The following LRP1B variants were observed in gnomAD, a reference collection of about 807,000 sequenced individuals.
The protein encoded by LRP1B is low-density lipoprotein receptor-related protein 1B.
Under a neutral mutation model 556.6 loss-of-function variants are expected in LRP1B, and 217 were observed. The observed-to-expected ratio is 0.39, with a 90% CI of 0.35 to 0.44. LRP1B has a LOEUF of 0.44. LRP1B is among the 20% of genes least tolerant of loss of function. LRP1B has a pLI of 1.00. For missense variants in LRP1B, 5,053 were observed against 5,620.8 expected (o/e 0.90, Z 3.23); for synonymous variants, 2,047 against 1,865.8 (o/e 1.10, Z -2.50).
intron 3 of LRP1B, among the ~76,000 whole-genome samples, chr2:141,320,398 G>T (rs1687193031): frequency 6.6e-6 from 1 of 152,054 alleles, no homozygotes; most frequent in Admixed American, 6.6e-5. Context: ...TTTAGGGAAT[G>T]TTTAGAATAT....
intron 1 of LRP1B, among the ~76,000 whole-genome samples, chr2:142,006,411 C>G (rs1428563086): frequency 6.6e-6 from 1 of 152,136 alleles, no homozygotes; most frequent in East Asian, 1.9e-4. Flanking sequence ...ACATATTAGG[C>G]TGTTATGAAG....
rs143049399 is a variant in LRP1B at position 140,406,896 on chromosome 2, G to A, written c.10415-20887C>T. ...GCCTGAATAGCCAAAGCAATACTACGTAAAAAGAACAAATCTGGAGGCATT... is the reference window on the plus strand; with the variant it reads ...GCCTGAATAGCCAAAGCAATACTACATAAAAAGAACAAATCTGGAGGCATT... On this transcript the variant is annotated intron_variant, in intron 66 of 90. Coordinates refer to ENST00000389484, the MANE Select transcript of LRP1B (RefSeq NM_018557.3). 1.9e-4 allele frequency among the ~76,000 whole-genome samples: 29 copies of A among 152,140 alleles called. No homozygotes were observed. The South Asian group carries it at 2.3e-3, about 12-fold the overall frequency.
At chr2:141,200,450 G>A (rs997023378) in intron 6 of LRP1B, among the ~76,000 whole-genome samples, 6 of 152,078 alleles carry the variant, frequency 3.9e-5, no homozygotes, top group African/African-American at 1.4e-4. Context: ...ATACCTAGGT[G>A]ATGAAATCAT....
chr2:141,407,280 T>C (rs77672278), intron 3 of LRP1B, among the ~76,000 whole-genome samples: 2,998 of 152,304 alleles, frequency 0.02, 111 homozygotes, highest in African/African-American at 0.069. Context: ...TTAAGATGTA[T>C]TTAATTCAAC....
At chr2:141,623,338 A>C (rs1688573265) in intron 2 of LRP1B, among the ~76,000 whole-genome samples, 1 of 152,210 alleles carries the variant, frequency 6.6e-6, no homozygotes, top group South Asian at 2.1e-4. Context: ...GGTAAAAATA[A>C]GCAACTATTT....
At chr2:141,363,190 C>A (rs1309353602) in intron 3 of LRP1B, among the ~76,000 whole-genome samples, 1 of 152,156 alleles carries the variant, frequency 6.6e-6, no homozygotes, top group Non-Finnish European at 1.5e-5. Flanking sequence ...CACCAGGTCT[C>A]ACCACCCATT....
At chr2:141,647,082 G>A (rs1032086282) in intron 2 of LRP1B, among the ~76,000 whole-genome samples, 1 of 152,236 alleles carries the variant, frequency 6.6e-6, no homozygotes, top group East Asian at 1.9e-4. Flanking sequence ...AGTTGTGGGT[G>A]GGGGAAGAAG....
intron 6 of LRP1B, among the ~76,000 whole-genome samples, chr2:141,194,164 A>T (rs971308523): frequency 6.6e-6 from 1 of 152,116 alleles, no homozygotes; most frequent in Non-Finnish European, 1.5e-5. Context: ...ACTTTGAAAC[A>T]GTTTTGCCAT....
chr2:141,391,759 G>A (rs4245855), intron 3 of LRP1B, among the ~76,000 whole-genome samples: 83,960 of 152,008 alleles, frequency 0.55, 24,702 homozygotes, highest in Non-Finnish European at 0.67. Context: ...GTCTGGGATC[G>A]AACAAGGGAA....
At chr2:141,992,848 A>T (rs1419331762) in intron 1 of LRP1B, among the ~76,000 whole-genome samples, 1 of 152,124 alleles carries the variant, frequency 6.6e-6, no homozygotes, top group East Asian at 1.9e-4. Flanking sequence ...TAAAGACTAT[A>T]AAGTTGTTTT....
At chr2:141,304,428 T>G (rs1469368744) in intron 3 of LRP1B, among the ~76,000 whole-genome samples, 1 of 151,556 alleles carries the variant, frequency 6.6e-6, no homozygotes, top group Non-Finnish European at 1.5e-5. Context: ...CTAAGACATA[T>G]TGAATTGCTT....
chr2:140,976,580 T>A (rs1696609563), intron 18 of LRP1B, among the ~76,000 whole-genome samples: 2 of 144,174 alleles, frequency 1.4e-5, no homozygotes, highest in South Asian at 4.6e-4. Flanking sequence ...CGATCTCGGC[T>A]CATTGCAACC....
At chr2:141,341,364 G>GAA (rs1345983493) in intron 3 of LRP1B, among the ~76,000 whole-genome samples, 1 of 152,130 alleles carries the variant, frequency 6.6e-6, no homozygotes, top group East Asian at 1.9e-4. Context: ...ACAAAGTTAT[G>GAA]AAAATTTTAC....
At chr2:141,293,580 C>G (rs541464397) in intron 3 of LRP1B, among the ~76,000 whole-genome samples, 1 of 151,786 alleles carries the variant, frequency 6.6e-6, no homozygotes, top group Admixed American at 6.6e-5. Flanking sequence ...AGTATCATGG[C>G]AACCACTTTT....
rs114487058 is a variant in LRP1B, at chr2:141,621,340, T to C, written c.206-140807A>G. ...TTCATAAAATTAACATGAATAATGA[T>C]GAATTCTGACCATTGCCTATTGTAA... On this transcript the variant is annotated intron_variant, in intron 2 of 90. Transcript: ENST00000389484. Among the ~76,000 whole-genome samples the C allele has an allele frequency of 4.5e-3, 681 of 152,312 alleles. 7 individuals carry two copies. The highest frequency in any genetic ancestry group is 0.015 in the African/African-American group (616 of 41,590).
intron 41 of LRP1B, among the ~76,000 whole-genome samples, chr2:140,685,705 A>G (rs1686023259): frequency 6.6e-6 from 1 of 152,204 alleles, no homozygotes; most frequent in Non-Finnish European, 1.5e-5. Flanking sequence ...CTAAAACTTA[A>G]TTATATAGCT....
chr2:140,262,158 A>T (rs773997222), intron 86 of LRP1B, among the ~76,000 whole-genome samples: 21 of 152,158 alleles, frequency 1.4e-4, no homozygotes, highest in Admixed American at 3.3e-4. Flanking sequence ...AACTTTAGCC[A>T]GGAGCTTCTT....
At chr2:140,407,699 G>C (rs1684801340) in intron 66 of LRP1B, among the ~76,000 whole-genome samples, 1 of 152,038 alleles carries the variant, frequency 6.6e-6, no homozygotes, top group Admixed American at 6.6e-5. Context: ...TGTGGATGTG[G>C]TGAAAAGAGA....
At chr2:140,659,155 G>T (rs13397745) in intron 41 of LRP1B, among the ~76,000 whole-genome samples, 3 of 90,770 alleles carry the variant, frequency 3.3e-5, no homozygotes, top group African/African-American at 1.2e-4. Context: ...TTTAATAAAA[G>T]ACTCTTTACA....
Sources: allele counts gnomAD v4.1 joint callset (sites outside exome capture counted in the v4.1 genomes callset), GRCh38; gene constraint gnomAD v4.1.1; transcripts MANE v1.5; gene names NCBI Gene and HGNC (gene_info 2026-07-23, HGNC 2026-07-21).